CPE: variants seen among roughly 807,000 people sequenced by gnomAD.
CPE encodes the protein carbocypeptidase E.
Under a neutral mutation model 53.5 loss-of-function variants are expected in CPE, and 17 were observed. That is an observed-to-expected ratio of 0.32 (90% CI 0.22 to 0.48). CPE has a LOEUF of 0.48. CPE is among the 20% of genes least tolerant of loss of function. CPE has a pLI of 0.99. For synonymous variants in CPE, 226 were observed against 228.8 expected, an observed-to-expected ratio of 0.99 and a Z score of 0.11; for missense variants, 524 against 614.7, an observed-to-expected ratio of 0.85 and a Z score of 1.56.
At chr4:165,434,767 G>A (rs978698004) in intron 1 of CPE, among the ~76,000 whole-genome samples, 7 of 152,076 alleles carry the variant, frequency 4.6e-5, no homozygotes, top group African/African-American at 1.7e-4. Flanking sequence ...CACAACATCT[G>A]CCATAGCTTG....
chr4:165,416,327 C>T (rs1043029355), intron 1 of CPE, among the ~76,000 whole-genome samples: 4 of 152,278 alleles, frequency 2.6e-5, no homozygotes, highest in East Asian at 1.9e-4. Context: ...GGGCTCTGGG[C>T]GGTGACCACT....
chr4:165,422,289 G>A (rs1316907103), intron 1 of CPE, among the ~76,000 whole-genome samples: 4 of 75,080 alleles, frequency 5.3e-5, no homozygotes, highest in South Asian at 8.4e-4. Flanking sequence ...TCAATTCATC[G>A]TTGTTCTTTC....
At chr4:165,492,800 G>A (rs980082148) in intron 6 of CPE, among the ~76,000 whole-genome samples, 4 of 152,162 alleles carry the variant, frequency 2.6e-5, no homozygotes, top group Admixed American at 6.5e-5. Context: ...GTGTGGCCCC[G>A]GGCTGCCTGC....
intron 7 of CPE, 46 bp from the exon 8 acceptor site, chr4:165,495,513 T>C: frequency 7.8e-7 from 1 of 1,286,492 alleles, no homozygotes; most frequent in East Asian, 2.3e-5. Context: ...TGTGTAATTC[T>C]GCATATTTCA....
Position 165,487,466 on chromosome 4 carries a change from C to A in CPE, c.1002C>A (p.Ser334Arg). The part of the protein sequence containing the change: ...GGMQDFNYLS[S>R]NCFEITVELS... ...TGCAAGACTTCAATTACCTTAGCAG[C>A]AACTGTTTTGAGATCACCGTGGAGC... The change falls in exon 6 of 9, where the codon AGC (serine) becomes AGA (arginine). Residue 334 changes from serine to arginine, a missense_variant. Coordinates refer to ENST00000402744, the MANE Select transcript of CPE (RefSeq NM_001873.4). 1 of 1,614,068 alleles carries A rather than the reference C, an allele frequency of 6.2e-7. No individual in the cohort carries two copies. Among genetic ancestry groups the A allele is most frequent in the South Asian group, 1.1e-5 (1 of 91,074 alleles).
chr4:165,385,316 G>A (rs1323154956), intron 1 of CPE, among the ~76,000 whole-genome samples: 2 of 152,026 alleles, frequency 1.3e-5, no homozygotes, highest in South Asian at 2.1e-4. Flanking sequence ...GCATCGTCAC[G>A]TGAGATCTGC....
intron 1 of CPE, among the ~76,000 whole-genome samples, chr4:165,428,157 G>A (rs1286090061): frequency 1.3e-5 from 2 of 152,138 alleles, no homozygotes; most frequent in African/African-American, 4.8e-5. Context: ...AGCCTCCTGA[G>A]TAGCTGGGAC....
intron 1 of CPE, chr4:165,406,189 T>C (rs944724873): frequency 3.6e-5 from 25 of 696,168 alleles, no homozygotes; most frequent in Non-Finnish European, 6.5e-5. Context: ...GGAGAGTTAA[T>C]TTAAATAACT....
chr4:165,426,445 C>A (rs1327370071), intron 1 of CPE, among the ~76,000 whole-genome samples: 4 of 152,134 alleles, frequency 2.6e-5, no homozygotes, highest in Non-Finnish European at 5.9e-5. Context: ...AAGTGTGGTG[C>A]CCCACTTGTT....
chr4:165,456,595 C>T (rs1731906427), intron 1 of CPE, among the ~76,000 whole-genome samples: 1 of 151,826 alleles, frequency 6.6e-6, no homozygotes, highest in Non-Finnish European at 1.5e-5. Context: ...TCGACGGAGT[C>T]TTGCTCTGTC....
intron 1 of CPE, among the ~76,000 whole-genome samples, chr4:165,463,040 A>G (rs1054821083): frequency 9.9e-5 from 15 of 152,190 alleles, no homozygotes; most frequent in African/African-American, 3.4e-4. Flanking sequence ...AAACGAGCAG[A>G]ACAACAGGAT....
intron 1 of CPE, among the ~76,000 whole-genome samples, chr4:165,433,017 C>G (rs748581832): frequency 1.3e-5 from 2 of 152,222 alleles, no homozygotes; most frequent in Non-Finnish European, 2.9e-5. Context: ...TAGTTTAAAG[C>G]TCTCCATTGG....
chr4:165,469,187 C>T (rs1468935148), intron 3 of CPE, among the ~76,000 whole-genome samples: 1 of 152,130 alleles, frequency 6.6e-6, no homozygotes, highest in Non-Finnish European at 1.5e-5. Context: ...ATCTTTGAAC[C>T]AATATTGTCA....
At chr4:165,449,359 A>C (rs940233545) in intron 1 of CPE, among the ~76,000 whole-genome samples, 3 of 152,208 alleles carry the variant, frequency 2.0e-5, no homozygotes, top group Non-Finnish European at 2.9e-5. Flanking sequence ...AAAAATGTTG[A>C]ATTATAATTT....
intron 1 of CPE, among the ~76,000 whole-genome samples, chr4:165,436,896 T>C (rs1731511750): frequency 6.6e-6 from 1 of 152,198 alleles, no homozygotes; most frequent in Admixed American, 6.5e-5. Flanking sequence ...CTCTAAAGGT[T>C]TACCGAAAAC....
At chr4:165,483,756 G>A (rs991281173) in intron 4 of CPE, among the ~76,000 whole-genome samples, 2 of 152,124 alleles carry the variant, frequency 1.3e-5, no homozygotes, top group Admixed American at 6.5e-5. Flanking sequence ...TTGACTGCTT[G>A]TATGTCTTCT....
chr4:165,475,109 C>T (rs572361489), intron 3 of CPE, among the ~76,000 whole-genome samples: 6 of 152,230 alleles, frequency 3.9e-5, no homozygotes, highest in Non-Finnish European at 7.4e-5. Flanking sequence ...AAGTAGTAAC[C>T]TCCGGAGGAC....
chr4:165,415,015 A>G (rs1560874790), intron 1 of CPE: 1 of 156,300 alleles, frequency 6.4e-6, no homozygotes, highest in Non-Finnish European at 1.5e-5. Context: ...TTCCAAATGA[A>G]TATGTTTGAA....
intron 1 of CPE, among the ~76,000 whole-genome samples, chr4:165,443,526 C>T (rs1731651333): frequency 6.6e-6 from 1 of 152,138 alleles, no homozygotes; most frequent in African/African-American, 2.4e-5. Context: ...CTCCTGAGGC[C>T]TCTCTCCTTG....
Sources: gnomAD v4.1 joint callset for allele counts (sites outside exome capture counted in the v4.1 genomes callset) on GRCh38, gnomAD v4.1.1 for gene constraint, MANE v1.5 for transcripts, NCBI Gene and HGNC (gene_info 2026-07-23, HGNC 2026-07-21) for gene names.